Variants in XKR9 observed in about 807,000 individuals in gnomAD.
XKR9 encodes the protein XK related 9, also known as XK-related protein 9.
In XKR9, 32 loss-of-function variants were observed where a neutral mutation model predicts 32.0. The observed-to-expected ratio is 1.00, with a 90% CI of 0.76 to 1.34. XKR9 has a LOEUF of 1.34. XKR9 is among the 40% of genes most tolerant of loss of function. The probability of loss-of-function intolerance (pLI) is 0.00; values close to 1 mark genes in which losing one functional copy is unlikely to be tolerated. For synonymous variants in XKR9, 168 were observed against 143.4 expected (o/e 1.17, Z -1.22); for missense variants, 546 against 429.7 (o/e 1.27, Z -2.39).
At chr8:70,969,797 G>T in the XKR9 span, among the ~76,000 whole-genome samples, 1 of 152,008 alleles carries the variant, frequency 6.6e-6, no homozygotes, top group African/African-American at 2.4e-5. Context: ...GGTGATGTTT[G>T]GTTACATGAA....
At chr8:70,688,306 C>G (rs1819378577) in intron 3 of XKR9, among the ~76,000 whole-genome samples, 1 of 152,136 alleles carries the variant, frequency 6.6e-6, no homozygotes, top group South Asian at 2.1e-4. Flanking sequence ...CTAATTCTTC[C>G]AAGCCAGGAG....
intron 4 of XKR9, among the ~76,000 whole-genome samples, chr8:70,712,376 T>C (rs1181314552): frequency 6.6e-6 from 1 of 152,156 alleles, no homozygotes; most frequent in Non-Finnish European, 1.5e-5. Context: ...CATAGTTAAG[T>C]AGGACTCTGA....
the XKR9 span, among the ~76,000 whole-genome samples, chr8:71,023,754 G>A: frequency 2.0e-5 from 3 of 152,128 alleles, no homozygotes; most frequent in African/African-American, 7.2e-5. Flanking sequence ...TAGTTGTGAT[G>A]GCCTCCATGG....
At chr8:70,961,185 CAAAAAAACAAAGAA>C in the XKR9 span, among the ~76,000 whole-genome samples, 1 of 151,830 alleles carries the variant, frequency 6.6e-6, no homozygotes, top group Non-Finnish European at 1.5e-5. Flanking sequence ...AAAACAAAGA[CAAAAAAACAAAGAA>C]AATACAGTAC....
the XKR9 span, among the ~76,000 whole-genome samples, chr8:71,032,022 C>T: frequency 2.8e-4 from 43 of 152,250 alleles, no homozygotes; most frequent in Non-Finnish European, 4.6e-4. Context: ...GGGCTGGGCA[C>T]GGTGGCTTAC....
chr8:70,888,031 G>A, the XKR9 span, among the ~76,000 whole-genome samples: 1 of 151,996 alleles, frequency 6.6e-6, no homozygotes. Flanking sequence ...TCCAGCTTTT[G>A]CCCATTCAGT....
chr8:71,041,260 A>G, the XKR9 span, among the ~76,000 whole-genome samples: 1 of 152,160 alleles, frequency 6.6e-6, no homozygotes, highest in South Asian at 2.1e-4. Context: ...TCTGCTTGTA[A>G]TTATTTTATC....
the XKR9 span, among the ~76,000 whole-genome samples, chr8:70,968,653 T>C: frequency 6.6e-6 from 1 of 152,196 alleles, no homozygotes; most frequent in Non-Finnish European, 1.5e-5. Context: ...TTGTTGTTGT[T>C]GCTTTCTGTT....
the XKR9 span, among the ~76,000 whole-genome samples, chr8:70,836,009 T>A: frequency 2.6e-5 from 4 of 152,122 alleles, no homozygotes; most frequent in Non-Finnish European, 5.9e-5. Context: ...AGTACCCATA[T>A]ATCTGTCCAT....
At chr8:70,882,249 T>C in the XKR9 span, among the ~76,000 whole-genome samples, 1 of 152,012 alleles carries the variant, frequency 6.6e-6, no homozygotes, top group African/African-American at 2.4e-5. Flanking sequence ...ACCCTAGAAC[T>C]TAAAGTATAA....
the XKR9 span, among the ~76,000 whole-genome samples, chr8:71,042,748 T>A: frequency 2.0e-5 from 3 of 152,208 alleles, no homozygotes; most frequent in African/African-American, 7.2e-5. Context: ...TAAAAGTGAC[T>A]GTATGGATAA....
chr8:70,853,552 T>C, the XKR9 span, among the ~76,000 whole-genome samples: 5 of 152,246 alleles, frequency 3.3e-5, no homozygotes, highest in East Asian at 9.6e-4. Context: ...TTCTTTTTTT[T>C]TTAAATTATA....
At chr8:70,869,404 C>T in the XKR9 span, among the ~76,000 whole-genome samples, 5 of 152,094 alleles carry the variant, frequency 3.3e-5, no homozygotes, top group South Asian at 4.2e-4. Context: ...CATGGATAGC[C>T]GCAGGTAGAG....
chr8:70,968,211 C>T, the XKR9 span, among the ~76,000 whole-genome samples: 36 of 152,186 alleles, frequency 2.4e-4, no homozygotes, highest in African/African-American at 4.8e-5. Flanking sequence ...AGATTTTTTC[C>T]TCCATTTGGT....
chr8:71,045,379 C>T, the XKR9 span, among the ~76,000 whole-genome samples: 1 of 152,104 alleles, frequency 6.6e-6, no homozygotes, highest in Non-Finnish European at 1.5e-5. Flanking sequence ...AGAATGAAGG[C>T]CTAAATGAAA....
the XKR9 span, among the ~76,000 whole-genome samples, chr8:71,001,586 T>C: frequency 3.9e-5 from 6 of 152,298 alleles, no homozygotes; most frequent in South Asian, 1.2e-3. Flanking sequence ...AATTTCCTCA[T>C]CTCTAAAATG....
chr8:70,749,793 C>T (rs1027023208), intron 2 of XKR9, among the ~76,000 whole-genome samples: 3 of 152,188 alleles, frequency 2.0e-5, no homozygotes, highest in Non-Finnish European at 4.4e-5. Context: ...GGTGACAGAC[C>T]AGCCACCCTA....
chr8:70,720,716 G>A lies in XKR9; in HGVS notation c.494-13080G>A, dbSNP rs898395842. Among the ~76,000 whole-genome samples, 6 of 152,116 alleles carry A rather than the reference G, an allele frequency of 3.9e-5. 1 individual carries two copies. Among genetic ancestry groups the A allele is most frequent in the Admixed American group, 2.6e-4 (4 of 15,264 alleles). On this transcript the variant is annotated intron_variant, in intron 4 of 4. Coordinates refer to ENST00000408926, the MANE Select transcript of XKR9 (RefSeq NM_001011720.2). Reference sequence around the variant, plus strand: ...TACAGTTTGCCAGTATTTTATTGAGGATTTCTGCATCGATGTTCATCAGGG... The same window carrying A: ...TACAGTTTGCCAGTATTTTATTGAGAATTTCTGCATCGATGTTCATCAGGG...
chr8:70,727,462 G>A (rs527257300), intron 4 of XKR9, among the ~76,000 whole-genome samples: 29 of 151,790 alleles, frequency 1.9e-4, no homozygotes, highest in Non-Finnish European at 3.7e-4. Flanking sequence ...GTGCAGTGGC[G>A]CGATCTTGGC....
Sources: allele counts gnomAD v4.1 joint callset (sites outside exome capture counted in the v4.1 genomes callset), GRCh38; gene constraint gnomAD v4.1.1; transcripts MANE v1.5; gene names NCBI Gene and HGNC (gene_info 2026-07-23, HGNC 2026-07-21).